The following HIF3A variants were observed in gnomAD, a reference collection of about 807,000 sequenced individuals.
HIF3A encodes the protein hypoxia-inducible factor 3-alpha.
In HIF3A, 41 loss-of-function variants were observed where a neutral mutation model predicts 67.2. The ratio of observed to expected loss-of-function variants is 0.61; its 90% CI spans 0.48 to 0.79. HIF3A has a LOEUF of 0.79. HIF3A is among the 30% of genes least tolerant of loss of function. HIF3A has a pLI of 0.00. For missense variants in HIF3A, 855 were observed against 898.0 expected (o/e 0.95, Z 0.61); for synonymous variants, 356 against 374.8 (o/e 0.95, Z 0.58).
At chr19:46,303,722 G>C in intron 1 of HIF3A, 176 bp from the exon 2 acceptor site, 1 of 1,553,830 alleles carries the variant, frequency 6.4e-7, no homozygotes, top group South Asian at 1.2e-5. Flanking sequence ...CCACAGTGTA[G>C]CCCTTCCAGG....
chr19:46,297,561 G>A lies in HIF3A; in HGVS notation c.26+459G>A, dbSNP rs1967960759. Reference sequence around the variant, plus strand: ...GTGATATGGGATACCCCTAAATGGAGCCTTCCCACATATAGGGAGTCCCTT... The same window carrying A: ...GTGATATGGGATACCCCTAAATGGAACCTTCCCACATATAGGGAGTCCCTT... On this transcript the variant is annotated intron_variant, in intron 1 of 14. Transcript: ENST00000377670. This position sits in a 1 kb window ranked among gnomAD's most constrained non-coding sequence, Gnocchi z 4.5. Among the ~76,000 whole-genome samples the A allele has an allele frequency of 6.6e-6, 1 of 152,000 alleles. No homozygotes were observed. Among genetic ancestry groups the A allele is most frequent in the Non-Finnish European group, 1.5e-5 (1 of 67,966 alleles).
intron 1 of HIF3A, among the ~76,000 whole-genome samples, chr19:46,302,249 C>G (rs1464883536): frequency 1.3e-5 from 2 of 152,044 alleles, no homozygotes; most frequent in Non-Finnish European, 2.9e-5. Flanking sequence ...CCTGCCTCAG[C>G]CTTTCAAGTA....
At chr19:46,298,206 C>A (rs1339114300) in intron 1 of HIF3A, 7 of 299,398 alleles carry the variant, frequency 2.3e-5, no homozygotes, top group South Asian at 4.8e-5. Flanking sequence ...ATGTTTCTAA[C>A]CGCCCCCATC....
At position 46,303,312 on chromosome 19, in the gene HIF3A, G is replaced by T. The variant is rs372662793; in HGVS notation, c.27-586G>T. ...GCAGGGTGAGTGGTAAACAGAACAG[G>T]TTGCTTTGCTGTGTCACCCTGGCGG... On this transcript the variant is annotated intron_variant, in intron 1 of 14. Coordinates refer to ENST00000377670, the MANE Select transcript of HIF3A (RefSeq NM_152795.4). Among the ~76,000 whole-genome samples, 32 of 152,360 alleles carry T rather than the reference G, an allele frequency of 2.1e-4. No individual in the cohort carries two copies. The East Asian group carries it at 5.0e-3, about 24-fold the overall frequency.
At chr19:46,317,167 C>G (rs961382696) in intron 8 of HIF3A, among the ~76,000 whole-genome samples, 1 of 151,990 alleles carries the variant, frequency 6.6e-6, no homozygotes, top group Admixed American at 6.6e-5. Flanking sequence ...GCGACCCACC[C>G]GCCTCGGCTT....
At chr19:46,332,299 C>T (rs1000232569) in intron 13 of HIF3A, among the ~76,000 whole-genome samples, 2 of 150,940 alleles carry the variant, frequency 1.3e-5, no homozygotes, top group African/African-American at 2.4e-5. Context: ...TTTGGGAGGC[C>T]GAGGTGGGTG....
At position 46,312,211 on chromosome 19, in the gene HIF3A, C is replaced by T; in HGVS notation, c.821C>T (p.Ala274Val). ...CCCGATGACCTGATCGGCTGTTCCG[C>T]CTACGAGTACATCCACGCGCTGGAC... ...YSPDDLIGCS[A>V]YEYIHALDSD... Residue 274 changes from alanine to valine, a missense_variant, in exon 7 of 15, where the codon GCC (alanine) becomes GTC (valine). Around this residue, in one of 3 missense-constraint regions of HIF3A, gnomAD observed 638 missense variants for 660.5 expected, o/e 0.97. Coordinates refer to ENST00000377670, the MANE Select transcript of HIF3A (RefSeq NM_152795.4). 2 of 1,613,996 alleles carry T rather than the reference C, an allele frequency of 1.2e-6. No homozygotes were observed. The highest frequency in any genetic ancestry group is 4.5e-5 in the East Asian group (2 of 44,872).
At chr19:46,319,502 C>T (rs141503298) in intron 8 of HIF3A, among the ~76,000 whole-genome samples, 39 of 151,970 alleles carry the variant, frequency 2.6e-4, no homozygotes, top group African/African-American at 8.4e-4. Flanking sequence ...AGGGAGGTGC[C>T]AGGGACATAA....
chr19:46,303,747 C>T lies in HIF3A; in HGVS notation c.27-151C>T, dbSNP rs1601196355. The T allele has an allele frequency of 7.2e-6, 11 of 1,521,276 alleles. No homozygotes were observed. In the East Asian group the frequency reaches 2.4e-4, roughly 33 times the overall value. The allele number at this position is 1,521,276 out of a possible 1,614,324, so 94.2% of individuals were successfully genotyped here. A position where few individuals can be genotyped will look rare whatever the true frequency, so the allele number is the denominator to read the frequency against. On this transcript the variant is annotated intron_variant, in intron 1 of 14. Transcript: ENST00000377670. ...GCCCTTCCAGGCCCAGGGAGCGCCG[C>T]GAACTCGACAGGGCCACACATCGAG...
In HIF3A at chr19:46,342,663, T is replaced by C. The variant is rs541749629; in HGVS notation, c.*3041T>C. 1 of 152,358 alleles carries C rather than the reference T, an allele frequency of 6.6e-6. No individual in the cohort carries two copies. Among genetic ancestry groups the C allele is most frequent in the South Asian group, 2.1e-4 (1 of 4,828 alleles). 9.4% of individuals were successfully genotyped at this position (152,358 alleles called of 1,614,324 possible). A position where few individuals can be genotyped will look rare whatever the true frequency, so the allele number is the denominator to read the frequency against. On this transcript the variant is annotated 3_prime_UTR_variant, in exon 15 of 15. Transcript: ENST00000377670. Reference sequence around the variant, plus strand: ...TAATTCAGCCTCCAAATGCTTCTGATTCTGGAATCTAGACTTTTCCCTAAA... The same window carrying C: ...TAATTCAGCCTCCAAATGCTTCTGACTCTGGAATCTAGACTTTTCCCTAAA...
At chr19:46,324,277 A>T (rs1401717037) in intron 10 of HIF3A, among the ~76,000 whole-genome samples, 2 of 152,154 alleles carry the variant, frequency 1.3e-5, no homozygotes, top group African/African-American at 4.8e-5. Context: ...CATGAGAAGC[A>T]CTCAGTAGGG....
At chr19:46,308,935 G>A (rs1391961302) in intron 5 of HIF3A, among the ~76,000 whole-genome samples, 160 bp downstream of exon 5, 1 of 152,028 alleles carries the variant, frequency 6.6e-6, no homozygotes, top group Non-Finnish European at 1.5e-5. Flanking sequence ...GAGGAGCATG[G>A]GTGTCTGTGG....
chr19:46,338,203 G>C (rs1448982072), intron 14 of HIF3A: 2 of 453,862 alleles, frequency 4.4e-6, no homozygotes, highest in African/African-American at 2.0e-5. Flanking sequence ...AAACATGTTG[G>C]GTTTTTTGTT....
Position 46,297,238 on chromosome 19 carries a change from T to G in HIF3A, c.26+136T>G, listed in dbSNP as rs1967933147. 1.9e-5 allele frequency: 9 copies of G among 483,920 alleles called. No individual in the cohort carries two copies. Among genetic ancestry groups the G allele is most frequent in the Admixed American group, 3.7e-5 (1 of 27,014 alleles). 30.0% of individuals were successfully genotyped at this position (483,920 alleles called of 1,614,324 possible). A position where few individuals can be genotyped will look rare whatever the true frequency, so the allele number is the denominator to read the frequency against. ...CCCGGGGCGCGCAGTTGGAGGCACA[T>G]CCCCACCGCACTCTCCACCCTTAGG... is the stretch of plus-strand genomic sequence containing the variant. On this transcript the variant is annotated intron_variant, in intron 1 of 14. Coordinates refer to ENST00000377670, the MANE Select transcript of HIF3A (RefSeq NM_152795.4). This position sits in a 1 kb window ranked among gnomAD's most constrained non-coding sequence, Gnocchi z 4.5.
intron 11 of HIF3A, among the ~76,000 whole-genome samples, chr19:46,325,968 G>A (rs1196888942): frequency 6.6e-6 from 1 of 152,216 alleles, no homozygotes; most frequent in Non-Finnish European, 1.5e-5. Context: ...CTACTGTTGT[G>A]TAACAAATTG....
chr19:46,298,198 G>T, intron 1 of HIF3A: 1 of 311,572 alleles, frequency 3.2e-6, no homozygotes, highest in Non-Finnish European at 6.4e-6. Flanking sequence ...CACACCCCAT[G>T]TTTCTAACCG....
At chr19:46,305,876 G>C (rs556477227) in intron 3 of HIF3A, among the ~76,000 whole-genome samples, 1 of 152,148 alleles carries the variant, frequency 6.6e-6, no homozygotes, top group Non-Finnish European at 1.5e-5. Context: ...CAGGAGTTCA[G>C]TGTTTCACCT....
At chr19:46,335,053 G>A in intron 14 of HIF3A, 67 bp downstream of exon 14, 1 of 1,306,454 alleles carries the variant, frequency 7.7e-7, no homozygotes, top group Non-Finnish European at 1.1e-6. Flanking sequence ...GAGAGGGATG[G>A]AGCCATTCCA....
rs765007270 is a variant in HIF3A at position 46,297,125 on chromosome 19, G to C, written c.26+23G>C. The C allele has an allele frequency of 7.9e-7, 1 of 1,259,490 alleles. No individual in the cohort carries two copies. Among genetic ancestry groups the C allele is most frequent in the East Asian group, 2.9e-5 (1 of 34,448 alleles). 78.0% of individuals were successfully genotyped at this position (1,259,490 alleles called of 1,614,324 possible). A position where few individuals can be genotyped will look rare whatever the true frequency, so the allele number is the denominator to read the frequency against. The stretch of plus-strand genomic sequence containing the variant: ...AAGGTACTGAAGTTCGGGGGCAGGA[G>C]TTCTGGGAATTGGGGGGCTCTCCTC... On this transcript the variant is annotated intron_variant, in intron 1 of 14. Coordinates refer to ENST00000377670, the MANE Select transcript of HIF3A (RefSeq NM_152795.4). This position sits in a 1 kb window ranked among gnomAD's most constrained non-coding sequence, Gnocchi z 4.5.
Sources: gnomAD v4.1 joint callset for allele counts (sites outside exome capture counted in the v4.1 genomes callset) on GRCh38, gnomAD v4.1.1 for gene constraint, gnomAD v4.1.1 regional missense constraint, Gnocchi (gnomAD v3.1) non-coding constraint, MANE v1.5 for transcripts, NCBI Gene and HGNC (gene_info 2026-07-23, HGNC 2026-07-21) for gene names.